CLSTN1: variants seen among roughly 807,000 people sequenced by gnomAD.
CLSTN1 encodes the protein calsyntenin-1.
In CLSTN1, 28 loss-of-function variants were observed where a neutral mutation model predicts 108.3. The ratio of observed to expected loss-of-function variants is 0.26; its 90% CI spans 0.19 to 0.35. The LOEUF (loss-of-function observed/expected upper bound fraction) is 0.35, where lower values mean the gene tolerates loss of function less well. Among genes scored for constraint, CLSTN1 ranks in the 10% least tolerant of loss-of-function variants. CLSTN1 has a pLI of 1.00. For synonymous variants in CLSTN1, 524 were observed against 534.9 expected (o/e 0.98, Z 0.28); for missense variants, 1,157 against 1,302.6 (o/e 0.89, Z 1.72).
At chr1:9,793,276 G>C (rs1056212291) in intron 1 of CLSTN1, among the ~76,000 whole-genome samples, 1 of 151,468 alleles carries the variant, frequency 6.6e-6, no homozygotes, top group Non-Finnish European at 1.5e-5. Flanking sequence ...GCCTCCCAAA[G>C]TGTTGGGATT....
intron 1 of CLSTN1, among the ~76,000 whole-genome samples, chr1:9,777,945 G>A (rs1032802678): frequency 1.3e-5 from 2 of 151,986 alleles, no homozygotes; most frequent in Admixed American, 1.3e-4. Flanking sequence ...CACCAACCTC[G>A]CTCTGTCCCT....
chr1:9,813,926 T>C (rs1259016689), intron 1 of CLSTN1, among the ~76,000 whole-genome samples: 1 of 151,500 alleles, frequency 6.6e-6, no homozygotes, highest in Non-Finnish European at 1.5e-5. Context: ...GATGAAACCC[T>C]GTCTCTACTA....
In CLSTN1 at chr1:9,790,838, T is replaced by TA. The variant is rs368695130; in HGVS notation, c.92-17445dup. On this transcript the variant is annotated intron_variant, in intron 1 of 18. Transcript: ENST00000377298. Reference sequence around the variant, plus strand: ...CAAATGTGCTTTTAAAAATTAGGATTAAAAAAAAAACAGGGCCGGGCGCGG... The same window carrying TA: ...CAAATGTGCTTTTAAAAATTAGGATTAAAAAAAAAAACAGGGCCGGGCGCGG... Among the ~76,000 whole-genome samples, 346 of 146,486 alleles carry TA rather than the reference T, an allele frequency of 2.4e-3. 1 individual carries two copies. Among genetic ancestry groups the TA allele is most frequent in the Non-Finnish European group, 3.8e-3 (252 of 66,556 alleles).
intron 1 of CLSTN1, among the ~76,000 whole-genome samples, chr1:9,806,695 T>C (rs996314408): frequency 1.4e-4 from 22 of 151,970 alleles, no homozygotes; most frequent in Non-Finnish European, 1.9e-4. Flanking sequence ...CTGGCTAACA[T>C]GGTGAAACCC....
intron 5 of CLSTN1, among the ~76,000 whole-genome samples, chr1:9,751,076 A>T (rs954467459): frequency 6.6e-6 from 1 of 152,196 alleles, no homozygotes; most frequent in Admixed American, 6.5e-5. Flanking sequence ...AAAAAAAACC[A>T]CAAAAACAAA....
In CLSTN1 at chr1:9,731,300, G is replaced by A; in HGVS notation, c.2654C>T (p.Ala885Val). 3 of 1,614,244 alleles carry A rather than the reference G, an allele frequency of 1.9e-6. No homozygotes were observed. The highest frequency in any genetic ancestry group is 2.5e-6 in the Non-Finnish European group (3 of 1,180,046). Residue 885 changes from alanine (A) to valine (V), a missense_variant, in exon 18 of 19, where the codon GCA becomes GTA. By Grantham distance (64) the Ala-to-Val change is moderately conservative. Coordinates refer to ENST00000377298, the MANE Select transcript of CLSTN1 (RefSeq NM_001009566.3). Reference protein sequence around the residue: ...IILGVFRIRAAHRRTMRDQDT... With the variant: ...IILGVFRIRAVHRRTMRDQDT... ...CTGATCCCGCATGGTCCGCCGATGTGCGGCCCGGATCCGAAATACCCCCAG... is the reference window on the plus strand; with the variant it reads ...CTGATCCCGCATGGTCCGCCGATGTACGGCCCGGATCCGAAATACCCCCAG...
At chr1:9,769,610 G>A (rs1557706758) in intron 2 of CLSTN1, among the ~76,000 whole-genome samples, 2 of 152,206 alleles carry the variant, frequency 1.3e-5, no homozygotes, top group African/African-American at 4.8e-5. Context: ...GCTTGGGAGT[G>A]AAGGAGACTG....
rs1008350318 is a variant in CLSTN1, at chr1:9,773,280, C to T, written c.206G>A (p.Arg69Gln). Residue 69 changes from arginine (R) to glutamine (Q), a missense_variant, in exon 2 of 19, where the codon CGA becomes CAA. Arg to Gln is a conservative substitution (Grantham distance 43). Coordinates refer to ENST00000377298, the MANE Select transcript of CLSTN1 (RefSeq NM_001009566.3). ...GAAAGCCCCGTTCCTACCTGCAAAT[C>T]GCAGAGGCGCATCTTTATCCAGCGC... ...LIALDKDAPL[R>Q]FAESFEVTVT... 12 of 1,613,858 alleles carry T rather than the reference C, an allele frequency of 7.4e-6. No individual in the cohort carries two copies. The highest frequency in any genetic ancestry group is 1.7e-5 in the Admixed American group (1 of 59,968).
At chr1:9,808,605 C>T (rs1654604416) in intron 1 of CLSTN1, among the ~76,000 whole-genome samples, 1 of 152,136 alleles carries the variant, frequency 6.6e-6, no homozygotes, top group Non-Finnish European at 1.5e-5. Context: ...ACTAGACGAT[C>T]CCATGAGCGG....
At chr1:9,760,265 C>A (rs541554496) in intron 2 of CLSTN1, among the ~76,000 whole-genome samples, 4 of 152,242 alleles carry the variant, frequency 2.6e-5, no homozygotes, top group East Asian at 3.9e-4. Flanking sequence ...CCTTTACCTA[C>A]AAGGACTTAA....
At chr1:9,788,847 G>A (rs1483636659) in intron 1 of CLSTN1, among the ~76,000 whole-genome samples, 4 of 132,330 alleles carry the variant, frequency 3.0e-5, no homozygotes, top group African/African-American at 5.7e-5. Context: ...CAAGCTGGGC[G>A]ACAGAGCGAG....
upstream of CLSTN1, chr1:9,824,387 G>T (rs1376787983): frequency 6.6e-6 from 1 of 152,026 alleles, no homozygotes; most frequent in Non-Finnish European, 1.5e-5. The surrounding 1 kb of genome is among the most constrained non-coding windows in gnomAD (Gnocchi z 5.0). Context: ...CCGCTCCGCC[G>T]AGGAGCGCAG....
At position 9,730,388 on chromosome 1, in the gene CLSTN1, G is replaced by T; in HGVS notation, c.*120C>A. On this transcript the variant is annotated 3_prime_UTR_variant, in exon 19 of 19. Coordinates refer to ENST00000377298, the MANE Select transcript of CLSTN1 (RefSeq NM_001009566.3). This position sits in a 1 kb window ranked among gnomAD's most constrained non-coding sequence, Gnocchi z 5.6. ...ACCAAGCACAGCGACGATCGTGGCG[G>T]GGAGGGGTCTGCACACCTACTGGCC... The T allele has an allele frequency of 1.1e-6, 1 of 874,290 alleles. No homozygotes were observed. The highest frequency in any genetic ancestry group is 1.8e-6 in the Non-Finnish European group (1 of 540,550). The allele number at this position is 874,290 out of a possible 1,614,324, so 54.2% of individuals were successfully genotyped here.
chr1:9,731,524 A>G, intron 17 of CLSTN1, 134 bp from the exon 18 acceptor site: 1 of 1,074,766 alleles, frequency 9.3e-7, no homozygotes, highest in East Asian at 2.6e-5. Flanking sequence ...CCAGGAGGAA[A>G]TACCAGGAAA....
rs899757564 is a variant in CLSTN1, at chr1:9,735,322, A to C, written c.1883+145T>G. 13 of 1,384,724 alleles carry C rather than the reference A, an allele frequency of 9.4e-6. No homozygotes were observed. In the African/African-American group the frequency reaches 1.6e-4, roughly 17 times the overall value. 85.8% of individuals were successfully genotyped at this position (1,384,724 alleles called of 1,614,324 possible). On this transcript the variant is annotated intron_variant, in intron 13 of 18. Coordinates refer to ENST00000377298, the MANE Select transcript of CLSTN1 (RefSeq NM_001009566.3). ...AACACACTTGCAAACAAGATGCGTA[A>C]ATATCACTCAGCTCTCTGCCCCACA...
intron 5 of CLSTN1, among the ~76,000 whole-genome samples, chr1:9,750,690 C>T (rs1002106282): frequency 5.4e-5 from 7 of 128,782 alleles, no homozygotes; most frequent in African/African-American, 1.6e-4. Flanking sequence ...CCAGCCTGGG[C>T]GACAGAGCAA....
At chr1:9,799,380 G>A (rs1161106192) in intron 1 of CLSTN1, among the ~76,000 whole-genome samples, 3 of 152,156 alleles carry the variant, frequency 2.0e-5, no homozygotes, top group South Asian at 2.1e-4. Flanking sequence ...GGTGGCTCAC[G>A]CCTATAATCT....
rs573295312 is a variant in CLSTN1, at chr1:9,735,156, G to A, written c.1902C>T (p.Thr634=). The A allele has an allele frequency of 1.0e-3, 1,689 of 1,614,228 alleles. 26 individuals carry two copies. In the South Asian group the frequency reaches 0.017, roughly 17 times the overall value. ...CATCTACCGGGGGGACCGAAATGCA[G>A]GTGGCCTCGTTAAAACACCTGCCAG... is the stretch of plus-strand genomic sequence containing the variant. The part of the protein sequence containing the change: ...TSTIKCFNEA[T]CISVPPVDGY... The change falls in exon 14 of 19, where the codon ACC becomes ACT. Residue 634 remains threonine, a synonymous_variant. Transcript: ENST00000377298.
chr1:9,768,506 T>C (rs1454196425), intron 2 of CLSTN1, among the ~76,000 whole-genome samples: 2 of 91,730 alleles, frequency 2.2e-5, no homozygotes, highest in Non-Finnish European at 4.2e-5. Flanking sequence ...GGTGGCACCA[T>C]GGGGTTGGCG....
Sources: gnomAD v4.1 joint callset for allele counts (sites outside exome capture counted in the v4.1 genomes callset) on GRCh38, gnomAD v4.1.1 for gene constraint, Gnocchi (gnomAD v3.1) non-coding constraint, MANE v1.5 for transcripts, NCBI Gene and HGNC (gene_info 2026-07-23, HGNC 2026-07-21) for gene names.